H1-10: variants seen among roughly 807,000 people sequenced by gnomAD.
H1-10 encodes histone H1.10.
For missense variants in H1-10, 307 were observed against 297.9 expected, an observed-to-expected ratio of 1.03 and a Z score of -0.22; for synonymous variants, 191 against 140.9, an observed-to-expected ratio of 1.36 and a Z score of -2.52.
At position 129,315,575 on chromosome 3, in the gene H1-10, C is replaced by A. The variant is rs1157277847; in HGVS notation, c.328G>T (p.Ala110Ser). The A allele has an allele frequency of 6.4e-7, 1 of 1,550,596 alleles. No individual in the cohort carries two copies. ...DTLLQVKGTG[A>S]NGSFKLNRKK... is the part of the protein sequence containing the mutation. ...CGGTTGAGCTTGAAGGAACCGTTGG[C>A]GCCGGTGCCCTTCACCTGCAGAAGC... is the stretch of plus-strand genomic sequence containing the variant. The change falls in exon 1 of 1, where the codon GCC (alanine) becomes TCC (serine). Residue 110 changes from alanine to serine, a missense_variant. Coordinates refer to ENST00000333762, the MANE Select transcript of H1-10 (RefSeq NM_006026.4).
At position 129,316,142 on chromosome 3, in the gene H1-10, A is replaced by C. The variant is rs1291036153; in HGVS notation, c.-240T>G. ...ACTAGGGGACCGAGTTGGGGGTCAG[A>C]GACCGAGTCCGAGCCGGCGGCTGGA... On this transcript the variant is annotated 5_prime_UTR_variant, in exon 1 of 1. Transcript: ENST00000333762. 4 of 162,086 alleles carry C rather than the reference A, an allele frequency of 2.5e-5. No individual in the cohort carries two copies. The highest frequency in any genetic ancestry group is 6.5e-5 in the Admixed American group (1 of 15,300). 10.0% of individuals were successfully genotyped at this position (162,086 alleles called of 1,614,324 possible).
At position 129,315,383 on chromosome 3, in the gene H1-10, T is replaced by C. The variant is rs1254631652; in HGVS notation, c.520A>G (p.Lys174Glu). ...GQKPEQRSHK[K>E]GAGAKKDKGG... ...TTGTCCTTCTTGGCGCCAGCGCCCT[T>C]CTTGTGCGAGCGCTGCTCCGGCTTC... is the stretch of plus-strand genomic sequence containing the variant. The change falls in exon 1 of 1, where the codon AAG (lysine) becomes GAG (glutamate). Residue 174 changes from lysine (K) to glutamate (E), a missense_variant. By Grantham distance (56) the Lys-to-Glu change is moderately conservative. Coordinates refer to ENST00000333762, the MANE Select transcript of H1-10 (RefSeq NM_006026.4). The C allele has an allele frequency of 6.5e-7, 1 of 1,542,898 alleles. No homozygotes were observed. Among genetic ancestry groups the C allele is most frequent in the Non-Finnish European group, 8.7e-7 (1 of 1,150,888 alleles).
Position 129,315,704 on chromosome 3 carries a change from G to A in H1-10, c.199C>T (p.Leu67=), listed in dbSNP as rs571093446. The change falls in exon 1 of 1, where the codon CTG becomes TTG. Residue 67 remains leucine (L), a synonymous_variant. Coordinates refer to ENST00000333762, the MANE Select transcript of H1-10 (RefSeq NM_006026.4). ...TTGGCCTCGGTGTAGATCTTGGCCAGCGACGAGCCGTTGCGCTCGCCCAGC... is the reference window on the plus strand; with the variant it reads ...TTGGCCTCGGTGTAGATCTTGGCCAACGACGAGCCGTTGCGCTCGCCCAGC... ...RRLGERNGSS[L]AKIYTEAKKV... is the part of the protein sequence containing the mutation. 1.0e-5 allele frequency: 16 copies of A among 1,539,816 alleles called. No individual in the cohort carries two copies. The Admixed American group carries it at 2.2e-4, about 21-fold the overall frequency.
Position 129,315,460 on chromosome 3 carries a change from G to A in H1-10, c.443C>T (p.Ala148Val), listed in dbSNP as rs2071293205. 6.6e-7 allele frequency: 1 copy of A among 1,508,504 alleles called. No individual in the cohort carries two copies. The highest frequency in any genetic ancestry group is 8.8e-7 in the Non-Finnish European group (1 of 1,137,350). The allele number at this position is 1,508,504 out of a possible 1,614,324, so 93.4% of individuals were successfully genotyped here. A position where few individuals can be genotyped will look rare whatever the true frequency, so the allele number is the denominator to read the frequency against. Residue 148 changes from alanine (A) to valine (V), a missense_variant, in exon 1 of 1, where the codon GCC (alanine) becomes GTC (valine). Physicochemically the swap from Ala to Val is moderately conservative, Grantham distance 64 (BLOSUM62 0). Coordinates refer to ENST00000333762, the MANE Select transcript of H1-10 (RefSeq NM_006026.4). ...GCGCCGGGAGCCGGCCGCGCCCGGG[G>A]CTGCCTTCTTCGCTTTGTGCGCGGT... ...APTAHKAKKA[A>V]PGAAGSRRAD...
Position 129,315,024 on chromosome 3 carries a change from A to G in H1-10, c.*237T>C. ...GTAACCATGACGACGGCCGTTGCCA[A>G]GGCCGAGAGCCAATAGAGGCGTCGC... On this transcript the variant is annotated 3_prime_UTR_variant, in exon 1 of 1. Coordinates refer to ENST00000333762, the MANE Select transcript of H1-10 (RefSeq NM_006026.4). 2.9e-6 allele frequency: 1 copy of G among 342,968 alleles called. No homozygotes were observed. The highest frequency in any genetic ancestry group is 5.2e-6 in the Non-Finnish European group (1 of 193,132). The allele number at this position is 342,968 out of a possible 1,614,324, so 21.2% of individuals were successfully genotyped here.
rs2071286399 is a variant in H1-10 at position 129,314,925 on chromosome 3, G to A, written c.*336C>T. 5.1e-6 allele frequency: 1 copy of A among 195,534 alleles called. No individual in the cohort carries two copies. The allele number at this position is 195,534 out of a possible 1,614,324, so 12.1% of individuals were successfully genotyped here. The stretch of plus-strand genomic sequence containing the variant: ...GGATGCGCGGCCTCCGCGTCCCCGC[G>A]CGCCTGGGCCCGGCCAACCAGCGAC... On this transcript the variant is annotated 3_prime_UTR_variant, in exon 1 of 1. Coordinates refer to ENST00000333762, the MANE Select transcript of H1-10 (RefSeq NM_006026.4).
Position 129,315,794 on chromosome 3 carries a change from T to C in H1-10, c.109A>G (p.Lys37Glu). Residue 37 changes from lysine (K) to glutamate (E), a missense_variant, in exon 1 of 1, where the codon AAG (lysine) becomes GAG (glutamate). Lys to Glu is a moderately conservative substitution (Grantham distance 56, BLOSUM62 1). Transcript: ENST00000333762. The part of the protein sequence containing the change: ...SAALSPSKKR[K>E]NSKKKNQPGK... ...GGCTGGTTCTTCTTCTTGCTATTCT[T>C]CCTCTTCTTAGATGGGGACAACGCC... 6.2e-7 allele frequency: 1 copy of C among 1,605,082 alleles called. No individual in the cohort carries two copies. The highest frequency in any genetic ancestry group is 8.5e-7 in the Non-Finnish European group (1 of 1,176,502).
In H1-10 at chr3:129,315,992, G is replaced by C. The variant is rs1409830791; in HGVS notation, c.-90C>G. Reference sequence around the variant, plus strand: ...GCGAGGGGCCGAGGGGGTGCAGGGGGGCTGGGGGCGCGCGGCGGCTCCAGG... The same window carrying C: ...GCGAGGGGCCGAGGGGGTGCAGGGGCGCTGGGGGCGCGCGGCGGCTCCAGG... On this transcript the variant is annotated 5_prime_UTR_variant, in exon 1 of 1. Transcript: ENST00000333762. 1 of 831,490 alleles carries C rather than the reference G, an allele frequency of 1.2e-6. No individual in the cohort carries two copies. The highest frequency in any genetic ancestry group is 1.6e-6 in the Non-Finnish European group (1 of 637,902). The allele number at this position is 831,490 out of a possible 1,614,324, so 51.5% of individuals were successfully genotyped here.
At position 129,315,815 on chromosome 3, in the gene H1-10, A is replaced by G. The variant is rs1301640867; in HGVS notation, c.88T>C (p.Leu30=). 1 of 1,603,246 alleles carries G rather than the reference A, an allele frequency of 6.2e-7. No homozygotes were observed. Among genetic ancestry groups the G allele is most frequent in the Non-Finnish European group, 8.5e-7 (1 of 1,175,854 alleles). ...KVTKAGGSAA[L]SPSKKRKNSK... is the part of the protein sequence containing the mutation. ...TTCTTCCTCTTCTTAGATGGGGACAACGCCGCCGAGCCGCCAGCCTTGGTC... is the reference window on the plus strand; with the variant it reads ...TTCTTCCTCTTCTTAGATGGGGACAGCGCCGCCGAGCCGCCAGCCTTGGTC... The change falls in exon 1 of 1, where the codon TTG becomes CTG. Residue 30 remains leucine (L), a synonymous_variant. Transcript: ENST00000333762.
rs989783943 is a variant in H1-10, at chr3:129,315,504, G to C, written c.399C>G (p.Ala133=). ...GCGCGGTGGGGGCCGGGGCGGTGGC[G>C]GCCGCCGGGGCTCCGCGCCGCTCCC... The part of the protein sequence containing the change: ...GGGERRGAPA[A]ATAPAPTAHK... Residue 133 remains alanine, a synonymous_variant, in exon 1 of 1, where the codon GCC becomes GCG. Coordinates refer to ENST00000333762, the MANE Select transcript of H1-10 (RefSeq NM_006026.4). 3 of 1,530,938 alleles carry C rather than the reference G, an allele frequency of 2.0e-6. No homozygotes were observed. The highest frequency in any genetic ancestry group is 2.6e-6 in the Non-Finnish European group (3 of 1,142,784). The allele number at this position is 1,530,938 out of a possible 1,614,324, so 94.8% of individuals were successfully genotyped here. A position where few individuals can be genotyped will look rare whatever the true frequency, so the allele number is the denominator to read the frequency against.
rs2071300841 is a variant in H1-10, at chr3:129,315,990, G to A, written c.-88C>T. Reference sequence around the variant, plus strand: ...AGGCGAGGGGCCGAGGGGGTGCAGGGGGGCTGGGGGCGCGCGGCGGCTCCA... The same window carrying A: ...AGGCGAGGGGCCGAGGGGGTGCAGGAGGGCTGGGGGCGCGCGGCGGCTCCA... On this transcript the variant is annotated 5_prime_UTR_variant, in exon 1 of 1. Coordinates refer to ENST00000333762, the MANE Select transcript of H1-10 (RefSeq NM_006026.4). 1.2e-6 allele frequency: 1 copy of A among 841,436 alleles called. No homozygotes were observed. The highest frequency in any genetic ancestry group is 1.5e-6 in the Non-Finnish European group (1 of 645,954). The allele number at this position is 841,436 out of a possible 1,614,324, so 52.1% of individuals were successfully genotyped here.
In H1-10 at chr3:129,315,554, T is replaced by C. The variant is rs1448164570; in HGVS notation, c.349A>G (p.Asn117Asp). The C allele has an allele frequency of 1.3e-6, 2 of 1,547,024 alleles. No homozygotes were observed. The highest frequency in any genetic ancestry group is 3.9e-5 in the Admixed American group (2 of 50,976). Residue 117 changes from asparagine to aspartate, a missense_variant, in exon 1 of 1, where the codon AAC becomes GAC. Physicochemically the swap from Asn to Asp is conservative, Grantham distance 23. Coordinates refer to ENST00000333762, the MANE Select transcript of H1-10 (RefSeq NM_006026.4). ...GTGANGSFKLNRKKLEGGGER... is the reference protein window; with the variant it reads ...GTGANGSFKLDRKKLEGGGER... ...CCGCCGCCCTCCAGCTTCTTGCGGT[T>C]GAGCTTGAAGGAACCGTTGGCGCCG...
In H1-10 at chr3:129,315,980, G is replaced by A. The variant is rs1467118135; in HGVS notation, c.-78C>T. The A allele has an allele frequency of 7.4e-6, 7 of 943,728 alleles. No homozygotes were observed. The highest frequency in any genetic ancestry group is 7.9e-5 in the South Asian group (2 of 25,338). 58.5% of individuals were successfully genotyped at this position (943,728 alleles called of 1,614,324 possible). ...GGGAAGAGGAAGGCGAGGGGCCGAG[G>A]GGGTGCAGGGGGGCTGGGGGCGCGC... is the stretch of plus-strand genomic sequence containing the variant. On this transcript the variant is annotated 5_prime_UTR_variant, in exon 1 of 1. Transcript: ENST00000333762.
Position 129,315,918 on chromosome 3 carries a change from G to A in H1-10, c.-16C>T, listed in dbSNP as rs2071299916. On this transcript the variant is annotated 5_prime_UTR_variant, in exon 1 of 1. Transcript: ENST00000333762. ...CCACGGACATGGTAGCAAGAGGATT[G>A]GTGGCGGGCGGCGCGCGGAAGCCGG... 1 of 1,552,174 alleles carries A rather than the reference G, an allele frequency of 6.4e-7. No homozygotes were observed. The highest frequency in any genetic ancestry group is 8.7e-7 in the Non-Finnish European group (1 of 1,146,286).
chr3:129,314,991 A>C lies in H1-10; in HGVS notation c.*270T>G. 7.7e-6 allele frequency: 2 copies of C among 260,642 alleles called. No homozygotes were observed. The highest frequency in any genetic ancestry group is 1.4e-5 in the Non-Finnish European group (2 of 139,594). The allele number at this position is 260,642 out of a possible 1,614,324, so 16.1% of individuals were successfully genotyped here. On this transcript the variant is annotated 3_prime_UTR_variant, in exon 1 of 1. Transcript: ENST00000333762. ...GGCGCGGCCTCGGCCATCGGCGCCT[A>C]GGGGCCAGTAACCATGACGACGGCC...
chr3:129,314,923 G>A lies in H1-10; in HGVS notation c.*338C>T, dbSNP rs8499. On this transcript the variant is annotated 3_prime_UTR_variant, in exon 1 of 1. Coordinates refer to ENST00000333762, the MANE Select transcript of H1-10 (RefSeq NM_006026.4). ...AAGGATGCGCGGCCTCCGCGTCCCC[G>A]CGCGCCTGGGCCCGGCCAACCAGCG... is the stretch of plus-strand genomic sequence containing the variant. 4,472 of 194,142 alleles carry A rather than the reference G, an allele frequency of 0.023. 61 individuals are homozygous for A. The highest frequency in any genetic ancestry group is 0.033 in the Non-Finnish European group (3,173 of 96,462). The allele number at this position is 194,142 out of a possible 1,614,324, so 12.0% of individuals were successfully genotyped here. A position where few individuals can be genotyped will look rare whatever the true frequency, so the allele number is the denominator to read the frequency against.
At position 129,315,463 on chromosome 3, in the gene H1-10, G is replaced by C. The variant is rs1433408491; in HGVS notation, c.440C>G (p.Ala147Gly). 6.6e-7 allele frequency: 1 copy of C among 1,506,838 alleles called. No homozygotes were observed. Among genetic ancestry groups the C allele is most frequent in the South Asian group, 1.2e-5 (1 of 80,316 alleles). The allele number at this position is 1,506,838 out of a possible 1,614,324, so 93.3% of individuals were successfully genotyped here. Residue 147 changes from alanine to glycine, a missense_variant, in exon 1 of 1, where the codon GCA becomes GGA. Coordinates refer to ENST00000333762, the MANE Select transcript of H1-10 (RefSeq NM_006026.4). ...PAPTAHKAKKAAPGAAGSRRA... is the reference protein window; with the variant it reads ...PAPTAHKAKKGAPGAAGSRRA... ...CCGGGAGCCGGCCGCGCCCGGGGCTGCCTTCTTCGCTTTGTGCGCGGTGGG... is the reference window on the plus strand; with the variant it reads ...CCGGGAGCCGGCCGCGCCCGGGGCTCCCTTCTTCGCTTTGTGCGCGGTGGG...
At position 129,315,027 on chromosome 3, in the gene H1-10, C is replaced by G. The variant is rs907638943; in HGVS notation, c.*234G>C. ...ACCATGACGACGGCCGTTGCCAAGGCCGAGAGCCAATAGAGGCGTCGCCGG... is the reference window on the plus strand; with the variant it reads ...ACCATGACGACGGCCGTTGCCAAGGGCGAGAGCCAATAGAGGCGTCGCCGG... On this transcript the variant is annotated 3_prime_UTR_variant, in exon 1 of 1. Transcript: ENST00000333762. 2 of 350,810 alleles carry G rather than the reference C, an allele frequency of 5.7e-6. No individual in the cohort carries two copies. Among genetic ancestry groups the G allele is most frequent in the Non-Finnish European group, 1.0e-5 (2 of 198,614 alleles). 21.7% of individuals were successfully genotyped at this position (350,810 alleles called of 1,614,324 possible). A position where few individuals can be genotyped will look rare whatever the true frequency, so the allele number is the denominator to read the frequency against.
chr3:129,315,651 A>C lies in H1-10; in HGVS notation c.252T>G (p.Asn84Lys). The part of the protein sequence containing the change: ...AKKVPWFDQQ[N>K]GRTYLKYSIK... Reference sequence around the variant, plus strand: ...TCGAGTACTTGAGGTAGGTGCGCCCATTCTGCTGGTCGAACCACGGAACCT... The same window carrying C: ...TCGAGTACTTGAGGTAGGTGCGCCCCTTCTGCTGGTCGAACCACGGAACCT... The change falls in exon 1 of 1, where the codon AAT becomes AAG. Residue 84 changes from asparagine to lysine, a missense_variant. Transcript: ENST00000333762. 2 of 1,589,334 alleles carry C rather than the reference A, an allele frequency of 1.3e-6. No individual in the cohort carries two copies. Among genetic ancestry groups the C allele is most frequent in the African/African-American group, 1.3e-5 (1 of 74,238 alleles).
Sources: allele counts gnomAD v4.1 joint callset, GRCh38; gene constraint gnomAD v4.1.1; transcripts MANE v1.5; gene names NCBI Gene and HGNC (gene_info 2026-07-23, HGNC 2026-07-21).